Variants in ARHGAP10 observed in about 807,000 individuals in gnomAD.
ARHGAP10 encodes rho GTPase-activating protein 10.
Under a neutral mutation model 108.6 loss-of-function variants are expected in ARHGAP10, and 87 were observed. The ratio of observed to expected loss-of-function variants is 0.80; its 90% CI spans 0.67 to 0.96. The LOEUF (loss-of-function observed/expected upper bound fraction) is 0.96. ARHGAP10 is among the 40% of genes least tolerant of loss of function. The probability of loss-of-function intolerance (pLI) is 0.00; values close to 1 mark genes in which losing one functional copy is unlikely to be tolerated. For missense variants in ARHGAP10, 939 were observed against 954.5 expected (o/e 0.98, Z 0.21); for synonymous variants, 347 against 341.1 (o/e 1.02, Z -0.19).
At chr4:147,837,694 T>C (rs1369132811) in intron 3 of ARHGAP10, among the ~76,000 whole-genome samples, 1 of 149,612 alleles carries the variant, frequency 6.7e-6, no homozygotes, top group African/African-American at 2.5e-5. Flanking sequence ...AAGTCTTGGA[T>C]GGGACCATCT....
intron 1 of ARHGAP10, among the ~76,000 whole-genome samples, chr4:147,795,173 C>T (rs1184330563): frequency 6.6e-6 from 1 of 152,084 alleles, no homozygotes; most frequent in Non-Finnish European, 1.5e-5. Context: ...GCCTTGAACT[C>T]CTGGCCTTAA....
chr4:147,909,225 G>A (rs752223886), intron 11 of ARHGAP10, among the ~76,000 whole-genome samples: 22 of 152,214 alleles, frequency 1.4e-4, no homozygotes, highest in Non-Finnish European at 3.1e-4. Context: ...GAGATGCATA[G>A]GATAAAGTCT....
intron 18 of ARHGAP10, among the ~76,000 whole-genome samples, chr4:148,021,997 C>T (rs775174805): frequency 9.9e-5 from 15 of 152,136 alleles, no homozygotes; most frequent in Admixed American, 2.0e-4. Flanking sequence ...TTTTTAGGTG[C>T]GAACTTTTTG....
chr4:147,892,577 AGTGTGGGGTTGGCTGGG>A (rs1553960585), intron 10 of ARHGAP10, among the ~76,000 whole-genome samples: 4 of 6,478 alleles, frequency 6.2e-4, no homozygotes, highest in African/African-American at 9.3e-4. Context: ...AGCATGGGGG[AGTGTGGGGTTGGCTGGG>A]AGTGTGGGGT....
chr4:148,004,400 A>T (rs1430715509), intron 18 of ARHGAP10, among the ~76,000 whole-genome samples: 3 of 152,214 alleles, frequency 2.0e-5, no homozygotes, highest in South Asian at 2.1e-4. Context: ...AGTGATAGTG[A>T]TTGTGGCAGA....
chr4:147,766,162 T>C (rs1353935536), intron 1 of ARHGAP10, among the ~76,000 whole-genome samples: 1 of 151,948 alleles, frequency 6.6e-6, no homozygotes, highest in East Asian at 1.9e-4. Context: ...TGGTGGTGGG[T>C]GTCTGTAGTC....
intron 7 of ARHGAP10, among the ~76,000 whole-genome samples, chr4:147,869,592 A>G (rs1474331456): frequency 1.3e-5 from 2 of 152,130 alleles, no homozygotes; most frequent in Non-Finnish European, 2.9e-5. Context: ...GAAAAAAAAA[A>G]AGCCTTTTTT....
At chr4:147,971,591 G>A (rs892125608) in intron 18 of ARHGAP10, among the ~76,000 whole-genome samples, 14 of 152,260 alleles carry the variant, frequency 9.2e-5, no homozygotes, top group African/African-American at 2.6e-4. Flanking sequence ...AGGACATTTC[G>A]GGTATGGGAG....
chr4:147,989,877 A>G (rs1392901383), intron 18 of ARHGAP10, among the ~76,000 whole-genome samples: 2 of 152,238 alleles, frequency 1.3e-5, no homozygotes, highest in East Asian at 3.8e-4. Context: ...TGGGGAAGTG[A>G]TAAGTGTCCA....
intron 19 of ARHGAP10, among the ~76,000 whole-genome samples, chr4:148,031,928 C>G (rs1351294592): frequency 2.0e-5 from 3 of 152,050 alleles, no homozygotes; most frequent in Non-Finnish European, 4.4e-5. Flanking sequence ...GTAATTTATG[C>G]CACCACTTAC....
At chr4:148,062,638 C>G (rs1267460419) in intron 20 of ARHGAP10, among the ~76,000 whole-genome samples, 1 of 152,184 alleles carries the variant, frequency 6.6e-6, no homozygotes, top group African/African-American at 2.4e-5. Context: ...TTTTGCTGTT[C>G]ATTGGTTTCG....
At chr4:147,742,585 G>A (rs1381230416) in intron 1 of ARHGAP10, among the ~76,000 whole-genome samples, 1 of 141,834 alleles carries the variant, frequency 7.1e-6, no homozygotes, top group Non-Finnish European at 1.5e-5. Flanking sequence ...CCGGGTTCAA[G>A]CGATTCTCCT....
chr4:147,732,214 C>G lies in ARHGAP10; in HGVS notation c.-88C>G. 7.4e-7 allele frequency: 1 copy of G among 1,347,580 alleles called. No homozygotes were observed. Among genetic ancestry groups the G allele is most frequent in the Non-Finnish European group, 9.6e-7 (1 of 1,039,100 alleles). 83.5% of individuals were successfully genotyped at this position (1,347,580 alleles called of 1,614,324 possible). ...TGCTAGCTCCTCTGTGCTCCCTGAA[C>G]GCGCGGCGCCGCACCTGGCAGCGGC... On this transcript the variant is annotated 5_prime_UTR_variant, in exon 1 of 23. Transcript: ENST00000336498.
chr4:147,954,698 G>A (rs1339951817), intron 15 of ARHGAP10, among the ~76,000 whole-genome samples: 1 of 151,884 alleles, frequency 6.6e-6, no homozygotes, highest in Non-Finnish European at 1.5e-5. Context: ...TATGTAGCAA[G>A]GTGGACTGAA....
At chr4:147,980,673 CTTGG>C in intron 18 of ARHGAP10, among the ~76,000 whole-genome samples, 1 of 152,076 alleles carries the variant, frequency 6.6e-6, no homozygotes, top group South Asian at 2.1e-4. Context: ...CAGGGCTTTT[CTTGG>C]TTGGTAGGTT....
At chr4:147,773,340 A>G (rs1054993940) in intron 1 of ARHGAP10, among the ~76,000 whole-genome samples, 3 of 152,104 alleles carry the variant, frequency 2.0e-5, no homozygotes, top group Non-Finnish European at 2.9e-5. Context: ...GCTGCATCCT[A>G]TATGCCTCAC....
intron 19 of ARHGAP10, among the ~76,000 whole-genome samples, chr4:148,042,603 G>C (rs1305001632): frequency 6.6e-6 from 1 of 152,086 alleles, no homozygotes; most frequent in Non-Finnish European, 1.5e-5. Context: ...CCTGACACTG[G>C]TAACTCTGAA....
intron 1 of ARHGAP10, among the ~76,000 whole-genome samples, chr4:147,790,469 A>G (rs1426399976): frequency 6.6e-6 from 1 of 152,238 alleles, no homozygotes; most frequent in Admixed American, 6.5e-5. Context: ...TGTATCAGTA[A>G]TTATTATTCA....
chr4:147,918,484 C>T lies in ARHGAP10; in HGVS notation c.1228+5345C>T, dbSNP rs963022058. Among the ~76,000 whole-genome samples, 3 of 152,108 alleles carry T rather than the reference C, an allele frequency of 2.0e-5. No homozygotes were observed. In the South Asian group the frequency reaches 6.2e-4, roughly 32 times the overall value. On this transcript the variant is annotated intron_variant, in intron 13 of 22. Coordinates refer to ENST00000336498, the MANE Select transcript of ARHGAP10 (RefSeq NM_024605.4). ...TTTTATGATCAGTGTAAACCCATAT[C>T]GAAAAATGATAACACATTTTGCCAA...
Sources: gnomAD v4.1 joint callset for allele counts (sites outside exome capture counted in the v4.1 genomes callset) on GRCh38, gnomAD v4.1.1 for gene constraint, MANE v1.5 for transcripts, NCBI Gene and HGNC (gene_info 2026-07-23, HGNC 2026-07-21) for gene names.